HERC5: variants seen among roughly 807,000 people sequenced by gnomAD.
HERC5 encodes the protein HECT and RLD domain containing E3 ubiquitin protein ligase 5.
In HERC5, 99 loss-of-function variants were observed where a neutral mutation model predicts 119.6. The ratio of observed to expected loss-of-function variants is 0.83; its 90% CI spans 0.70 to 0.98. The LOEUF (loss-of-function observed/expected upper bound fraction) is 0.98. Among genes scored for constraint, HERC5 ranks in the 50% least tolerant of loss-of-function variants. The pLI is 0.00. For missense variants in HERC5, 1,267 were observed against 1,241.3 expected (o/e 1.02, Z -0.31); for synonymous variants, 478 against 445.9 (o/e 1.07, Z -0.91).
chr4:88,491,889 C>T (rs1741650114), intron 16 of HERC5, among the ~76,000 whole-genome samples: 1 of 152,068 alleles, frequency 6.6e-6, no homozygotes, highest in Admixed American at 6.6e-5. Flanking sequence ...ATGATAGCAT[C>T]CTCTTGGGAG....
At chr4:88,461,377 C>T (rs1012196394) in intron 3 of HERC5, among the ~76,000 whole-genome samples, 1 of 152,080 alleles carries the variant, frequency 6.6e-6, no homozygotes, top group Non-Finnish European at 1.5e-5. Flanking sequence ...TAGTAAATCA[C>T]AGTACAGAAA....
intron 13 of HERC5, among the ~76,000 whole-genome samples, chr4:88,485,763 T>C (rs942227585): frequency 2.0e-5 from 3 of 151,854 alleles, no homozygotes; most frequent in Non-Finnish European, 4.4e-5. Flanking sequence ...TGTCTATAAG[T>C]GGTATATTAT....
At position 88,504,560 on chromosome 4, in the gene HERC5, C is replaced by T. The variant is rs761880204; in HGVS notation, c.2832C>T (p.Phe944=). The T allele has an allele frequency of 6.4e-7, 1 of 1,574,794 alleles. No individual in the cohort carries two copies. Among genetic ancestry groups the T allele is most frequent in the South Asian group, 1.2e-5 (1 of 83,670 alleles). The change falls in exon 22 of 23, where the codon TTC becomes TTT. Residue 944 remains phenylalanine (F), a synonymous_variant. Coordinates refer to ENST00000264350, the MANE Select transcript of HERC5 (RefSeq NM_016323.4). ...CCATAGTGATGTTTTGGAAGGCTTT[C>T]CACAAATTGACTCTGGAAGAAAAGA... ...HPTIVMFWKA[F]HKLTLEEKKK...
At chr4:88,462,911 A>G (rs1740502860) in intron 4 of HERC5, among the ~76,000 whole-genome samples, 1 of 152,212 alleles carries the variant, frequency 6.6e-6, no homozygotes, top group African/African-American at 2.4e-5. Flanking sequence ...CAAACAACTC[A>G]TTAAGAGTTT....
intron 6 of HERC5, 42 bp from the exon 7 acceptor site, chr4:88,467,017 G>A (rs1190854095): frequency 1.3e-6 from 2 of 1,599,498 alleles, no homozygotes; most frequent in Non-Finnish European, 1.7e-6. Flanking sequence ...TCTCATCATT[G>A]TGGATAATTA....
In HERC5 at chr4:88,465,729, A is replaced by C. The variant is rs146826580; in HGVS notation, c.912-1330A>C. Among the ~76,000 whole-genome samples the C allele has an allele frequency of 3.9e-4, 59 of 152,330 alleles. No individual in the cohort carries two copies. In the East Asian group the frequency reaches 0.011, roughly 29 times the overall value. ...ACAGGACAATTCACTGGAAAGACTC[A>C]CGAACTTACTAAAAGCTATTATGCT... On this transcript the variant is annotated intron_variant, in intron 6 of 22. Transcript: ENST00000264350.
At chr4:88,483,345 A>T (rs1040683136) in intron 13 of HERC5, among the ~76,000 whole-genome samples, 3 of 151,340 alleles carry the variant, frequency 2.0e-5, no homozygotes, top group Non-Finnish European at 4.4e-5. Flanking sequence ...AGTAGCTGGG[A>T]CTATAGGCAT....
chr4:88,503,909 A>G (rs1003457874), intron 20 of HERC5, among the ~76,000 whole-genome samples: 1 of 152,122 alleles, frequency 6.6e-6, no homozygotes. Flanking sequence ...TACTAAAAAT[A>G]CAAAAAAATT....
rs559488768 is a variant in HERC5, at chr4:88,460,203, G to C, written c.466+32G>C. 5 of 1,115,814 alleles carry C rather than the reference G, an allele frequency of 4.5e-6. No homozygotes were observed. In the East Asian group the frequency reaches 1.2e-4, roughly 27 times the overall value. 69.1% of individuals were successfully genotyped at this position (1,115,814 alleles called of 1,614,324 possible). ...TTTCTGTAATATTAATAGTTTTGTA[G>C]AAGTAATACCTGTGTGTATATGTGG... On this transcript the variant is annotated intron_variant, in intron 3 of 22. Coordinates refer to ENST00000264350, the MANE Select transcript of HERC5 (RefSeq NM_016323.4).
intron 11 of HERC5, 110 bp downstream of exon 11, chr4:88,472,612 A>G (rs1740911942): frequency 2.7e-6 from 2 of 736,530 alleles, no homozygotes; most frequent in Non-Finnish European, 4.8e-6. Flanking sequence ...GAGACCTTGT[A>G]GCATATTCAG....
At chr4:88,458,613 C>T (rs1740280705) in intron 1 of HERC5, among the ~76,000 whole-genome samples, 1 of 151,938 alleles carries the variant, frequency 6.6e-6, no homozygotes, top group Non-Finnish European at 1.5e-5. Context: ...GTTTTGGTTC[C>T]CCTAGCATTT....
intron 19 of HERC5, 59 bp downstream of exon 19, chr4:88,500,051 T>C: frequency 9.7e-7 from 1 of 1,032,424 alleles, no homozygotes; most frequent in South Asian, 1.4e-5. Context: ...CCTTTACATA[T>C]TTAACTAAAC....
chr4:88,466,137 A>G (rs1740657678), intron 6 of HERC5, among the ~76,000 whole-genome samples: 1 of 149,870 alleles, frequency 6.7e-6, no homozygotes, highest in East Asian at 2.0e-4. Context: ...CCCAGGCTGG[A>G]CTGCAGTGGT....
chr4:88,496,442 A>T (rs913670505), intron 18 of HERC5, among the ~76,000 whole-genome samples: 1 of 152,240 alleles, frequency 6.6e-6, no homozygotes, highest in African/African-American at 2.4e-5. Flanking sequence ...GATGTATGAT[A>T]TTGGTGCAGG....
intron 1 of HERC5, chr4:88,457,776 G>C: frequency 1.5e-6 from 1 of 660,014 alleles, no homozygotes; most frequent in East Asian, 3.5e-5. Flanking sequence ...CAAAGTGGCC[G>C]GTGCGGGGCA....
chr4:88,463,786 T>G, intron 5 of HERC5, 69 bp from the exon 6 acceptor site: 2 of 1,552,642 alleles, frequency 1.3e-6, no homozygotes, highest in Non-Finnish European at 1.8e-6. Flanking sequence ...AGTGATTCAC[T>G]TTGCATCAGT....
chr4:88,458,059 C>T (rs1176168773), intron 1 of HERC5: 7 of 985,544 alleles, frequency 7.1e-6, no homozygotes, highest in Non-Finnish European at 8.4e-6. Context: ...TATCTTGCTG[C>T]GAGTTTATTT....
At chr4:88,493,881 T>G (rs909454126) in intron 17 of HERC5, among the ~76,000 whole-genome samples, 2 of 151,648 alleles carry the variant, frequency 1.3e-5, no homozygotes, top group Non-Finnish European at 2.9e-5. Context: ...CCCAAAGTTC[T>G]GGGATTACAA....
chr4:88,466,616 G>C (rs1206414449), intron 6 of HERC5, among the ~76,000 whole-genome samples: 1 of 152,210 alleles, frequency 6.6e-6, no homozygotes, highest in Non-Finnish European at 1.5e-5. Context: ...GGGCAAGGCA[G>C]ATTCCTTGCT....
Sources: allele counts gnomAD v4.1 joint callset (sites outside exome capture counted in the v4.1 genomes callset), GRCh38; gene constraint gnomAD v4.1.1; transcripts MANE v1.5; gene names NCBI Gene and HGNC (gene_info 2026-07-23, HGNC 2026-07-21).